The following MUC5AC variants were observed in gnomAD, a reference collection of about 807,000 sequenced individuals.
The protein encoded by MUC5AC is mucin 5AC, oligomeric mucus/gel-forming, also known as mucin-5AC.
Under a neutral mutation model 169.7 loss-of-function variants are expected in MUC5AC, and 158 were observed. The ratio of observed to expected loss-of-function variants is 0.93; its 90% CI spans 0.82 to 1.06. MUC5AC has a LOEUF of 1.06. Ranked by LOEUF, MUC5AC falls within the 50% of genes least tolerant of loss-of-function variation. The pLI, the probability that MUC5AC is intolerant of heterozygous loss-of-function variation, is 0.00. For missense variants in MUC5AC, 4,359 were observed against 3,089.9 expected (o/e 1.41, Z -9.74); for synonymous variants, 1,975 against 1,237.0 (o/e 1.60, Z -12.52).
In MUC5AC at chr11:1,196,392, C is replaced by T. The variant is rs750180826; in HGVS notation, c.15642C>T (p.Phe5214=). 4 of 764,918 alleles carry T rather than the reference C, an allele frequency of 5.2e-6. No homozygotes were observed. The South Asian group carries it at 5.4e-5, about 10-fold the overall frequency. The allele number at this position is 764,918 out of a possible 1,614,324, so 47.4% of individuals were successfully genotyped here. A position where few individuals can be genotyped will look rare whatever the true frequency, so the allele number is the denominator to read the frequency against. Residue 5214 remains phenylalanine, a synonymous_variant, in exon 38 of 49, where the codon TTC becomes TTT. Coordinates refer to ENST00000621226, the MANE Select transcript of MUC5AC (RefSeq NM_001304359.2). ...TGTGGCTTCCCCTCCCCACAGCATT[C>T]ACCTGCCCAGCCGACAAGGTGTACC... ...WRGRTGHMCP[F]TCPADKVYQP... is the part of the protein sequence containing the mutation.
chr11:1,173,764 CCACT>C (rs1325224567), intron 16 of MUC5AC, among the ~76,000 whole-genome samples: 102 of 101,760 alleles, frequency 1.0e-3, no homozygotes, highest in African/African-American at 3.3e-3. Flanking sequence ...ACTCACTCAT[CCACT>C]CACTCACTCA....
At position 1,187,166 on chromosome 11, in the gene MUC5AC, C is replaced by G. The variant is rs1243075991; in HGVS notation, c.9021C>G (p.Ala3007=). 5.7e-6 allele frequency: 4 copies of G among 703,126 alleles called. No individual in the cohort carries two copies. Among genetic ancestry groups the G allele is most frequent in the Non-Finnish European group, 1.0e-5 (4 of 387,850 alleles). The allele number at this position is 703,126 out of a possible 1,614,324, so 43.6% of individuals were successfully genotyped here. ...TSAPTTSTIS[A]PTTSTPSAPT... is the part of the protein sequence containing the mutation. ...CCCCTACAACCAGCACAATCTCGGC[C>G]CCAACAACCAGCACACCCTCTGCCC... The change falls in exon 31 of 49, where the codon GCC becomes GCG. Residue 3007 remains alanine, a synonymous_variant. Transcript: ENST00000621226.
rs776542766 is a variant in MUC5AC at position 1,192,158 on chromosome 11, C to T, written c.14013C>T (p.Ile4671=). ...GEKICRRPEE[I]TRLQCRAESH... ...AAATCTGCCGCCGACCTGAGGAGATCACCAGGCTCCAGTGCCGAGCCGAGA... is the reference window on the plus strand; with the variant it reads ...AAATCTGCCGCCGACCTGAGGAGATTACCAGGCTCCAGTGCCGAGCCGAGA... Residue 4671 remains isoleucine (I), a synonymous_variant, in exon 31 of 49, where the codon ATC becomes ATT. Transcript: ENST00000621226. The T allele has an allele frequency of 2.6e-6, 2 of 765,114 alleles. No individual in the cohort carries two copies. The highest frequency in any genetic ancestry group is 3.4e-5 in the Admixed American group (2 of 59,038). The allele number at this position is 765,114 out of a possible 1,614,324, so 47.4% of individuals were successfully genotyped here. A position where few individuals can be genotyped will look rare whatever the true frequency, so the allele number is the denominator to read the frequency against.
chr11:1,187,538 C>T lies in MUC5AC; in HGVS notation c.9393C>T (p.Ser3131=). The T allele has an allele frequency of 1.3e-6, 1 of 750,692 alleles. No individual in the cohort carries two copies. Among genetic ancestry groups the T allele is most frequent in the East Asian group, 2.5e-5 (1 of 40,524 alleles). 46.5% of individuals were successfully genotyped at this position (750,692 alleles called of 1,614,324 possible). The change falls in exon 31 of 49, where the codon AGC becomes AGT. Residue 3131 remains serine (S), a synonymous_variant. Coordinates refer to ENST00000621226, the MANE Select transcript of MUC5AC (RefSeq NM_001304359.2). ...CTCCCAGCCCTATTCCTACCACCAG[C>T]ACAACCTCTCCTCCTACAACCAGCA... is the stretch of plus-strand genomic sequence containing the variant. ...GTTPSPIPTT[S]TTSPPTTSTT...
rs1237656055 is a variant in MUC5AC, at chr11:1,174,878, G to A, written c.2093-4G>A. On this transcript the variant is annotated splice_region_variant and splice_polypyrimidine_tract_variant and intron_variant, in intron 17 of 48. Coordinates refer to ENST00000621226, the MANE Select transcript of MUC5AC (RefSeq NM_001304359.2). Reference sequence around the variant, plus strand: ...GAGAATCCCCTCTTCCTGGCATCCCGCAGCGAAGCCTATGACCACTTGCCC... The same window carrying A: ...GAGAATCCCCTCTTCCTGGCATCCCACAGCGAAGCCTATGACCACTTGCCC... The A allele has an allele frequency of 1.6e-4, 66 of 419,944 alleles. No individual in the cohort carries two copies. The highest frequency in any genetic ancestry group is 2.2e-4 in the Non-Finnish European group (53 of 237,648). The allele number at this position is 419,944 out of a possible 1,614,324, so 26.0% of individuals were successfully genotyped here. A position where few individuals can be genotyped will look rare whatever the true frequency, so the allele number is the denominator to read the frequency against.
chr11:1,164,357 C>G (rs1860239893), intron 8 of MUC5AC, 38 bp downstream of exon 8: 3 of 1,611,518 alleles, frequency 1.9e-6, no homozygotes, highest in Admixed American at 1.7e-5. Context: ...ACCCCTTTGG[C>G]AGGGAGGGCA....
intron 41 of MUC5AC, 67 bp downstream of exon 41, chr11:1,197,706 A>G (rs1475783331): frequency 3.1e-6 from 2 of 642,284 alleles, no homozygotes; most frequent in African/African-American, 1.8e-5. Flanking sequence ...CTCGGCCCGG[A>G]CTTTGCTGCT....
At chr11:1,162,392 C>A in intron 4 of MUC5AC, 140 bp from the exon 5 acceptor site, 2 of 1,025,138 alleles carry the variant, frequency 2.0e-6, no homozygotes, top group Non-Finnish European at 2.9e-6. Context: ...GACCCCCGAG[C>A]TCCAGAGGTC....
In MUC5AC at chr11:1,196,483, C is replaced by T. The variant is rs936168526; in HGVS notation, c.15725+8C>T. ...TGACAGCGCCAGCCTCGGGTAGGCA[C>T]CCTCCCTCCTGGCCCTGCCATGGGC... On this transcript the variant is annotated splice_region_variant and intron_variant, in intron 38 of 48. Transcript: ENST00000621226. 5.2e-6 allele frequency: 4 copies of T among 765,006 alleles called. No homozygotes were observed. In the East Asian group the frequency reaches 9.7e-5, roughly 19 times the overall value. 47.4% of individuals were successfully genotyped at this position (765,006 alleles called of 1,614,324 possible).
rs1020192682 is a variant in MUC5AC at position 1,199,715 on chromosome 11, G to C, written c.16536G>C (p.Lys5512Asn). The C allele has an allele frequency of 2.8e-6, 2 of 711,794 alleles. No homozygotes were observed. Among genetic ancestry groups the C allele is most frequent in the African/African-American group, 1.7e-5 (1 of 57,602 alleles). The allele number at this position is 711,794 out of a possible 1,614,324, so 44.1% of individuals were successfully genotyped here. ...CACAGGACGAGGCCCGCATGAGCAAGGACGGCTGCTGCCGCTTCTGCCCGC... is the reference window on the plus strand; with the variant it reads ...CACAGGACGAGGCCCGCATGAGCAACGACGGCTGCTGCCGCTTCTGCCCGC... Reference protein sequence around the residue: ...SCSLDEARMSKDGCCRFCPPP... With the variant: ...SCSLDEARMSNDGCCRFCPPP... Residue 5512 changes from lysine to asparagine, a missense_variant, in exon 47 of 49, where the codon AAG (lysine) becomes AAC (asparagine). Physicochemically the swap from Lys to Asn is moderately conservative, Grantham distance 94. Coordinates refer to ENST00000621226, the MANE Select transcript of MUC5AC (RefSeq NM_001304359.2).
At chr11:1,166,597 C>A (rs1323240983) in intron 11 of MUC5AC, among the ~76,000 whole-genome samples, 7 of 14,676 alleles carry the variant, frequency 4.8e-4, no homozygotes, top group Admixed American at 1.7e-3. Context: ...AGTCTCTGCA[C>A]GATGAGACCC....
At position 1,187,184 on chromosome 11, in the gene MUC5AC, C is replaced by T. The variant is rs1217430069; in HGVS notation, c.9039C>T (p.Pro3013=). 2.8e-6 allele frequency: 2 copies of T among 704,068 alleles called. No homozygotes were observed. Among genetic ancestry groups the T allele is most frequent in the African/African-American group, 1.8e-5 (1 of 55,954 alleles). 43.6% of individuals were successfully genotyped at this position (704,068 alleles called of 1,614,324 possible). ...STISAPTTST[P]SAPTTSTTLA... is the part of the protein sequence containing the mutation. ...TCTCGGCCCCAACAACCAGCACACC[C>T]TCTGCCCCTACAACCAGCACAACCT... is the stretch of plus-strand genomic sequence containing the variant. Residue 3013 remains proline, a synonymous_variant, in exon 31 of 49, where the codon CCC becomes CCT. Coordinates refer to ENST00000621226, the MANE Select transcript of MUC5AC (RefSeq NM_001304359.2).
rs1860914093 is a variant in MUC5AC at position 1,185,410 on chromosome 11, C to G, written c.7265C>G (p.Ser2422Cys). Reference protein sequence around the residue: ...TTSAPTTSTTSAPTSSTTSSP... With the variant: ...TTSAPTTSTTCAPTSSTTSSP... ...TCAGCTCCTACAACCAGCACAACCT[C>G]TGCCCCTACAAGCAGCACAACCTCC... The change falls in exon 31 of 49, where the codon TCT (serine) becomes TGT (cysteine). Residue 2422 changes from serine to cysteine, a missense_variant. Physicochemically the swap from Ser to Cys is moderately radical, Grantham distance 112 (BLOSUM62 -1). Coordinates refer to ENST00000621226, the MANE Select transcript of MUC5AC (RefSeq NM_001304359.2). 4.1e-6 allele frequency: 3 copies of G among 730,916 alleles called. No individual in the cohort carries two copies. In the African/African-American group the frequency reaches 5.2e-5, roughly 13 times the overall value. 45.3% of individuals were successfully genotyped at this position (730,916 alleles called of 1,614,324 possible).
Position 1,195,068 on chromosome 11 carries a change from G to T in MUC5AC, c.15247G>T (p.Ala5083Ser). The T allele has an allele frequency of 2.6e-6, 2 of 755,948 alleles. No homozygotes were observed. Among genetic ancestry groups the T allele is most frequent in the Non-Finnish European group, 4.8e-6 (2 of 413,916 alleles). The allele number at this position is 755,948 out of a possible 1,614,324, so 46.8% of individuals were successfully genotyped here. The change falls in exon 36 of 49, where the codon GCT becomes TCT. Residue 5083 changes from alanine to serine, a missense_variant. Transcript: ENST00000621226. ...ECRTPRGTVV[A>S]SCSEMSGLWN... The stretch of plus-strand genomic sequence containing the variant: ...CCGCACGCCTAGGGGGACGGTGGTC[G>T]CTTCCTGCTCCGAGATGTCCGGCCT...
At chr11:1,158,130 C>T (rs1860014921) in intron 1 of MUC5AC, 58 bp downstream of exon 1, 1 of 1,435,742 alleles carries the variant, frequency 7.0e-7, no homozygotes, top group African/African-American at 1.4e-5. Context: ...CTGAGTGGGC[C>T]TCAGGCAGCT....
In MUC5AC at chr11:1,199,078, C is replaced by T. The variant is rs774154587; in HGVS notation, c.16297-9C>T. Reference sequence around the variant, plus strand: ...CTGGATTCCAGCCACATGTCCATCCCTCCCGCAGGGCTTCGAGTACCAGGA... The same window carrying T: ...CTGGATTCCAGCCACATGTCCATCCTTCCCGCAGGGCTTCGAGTACCAGGA... On this transcript the variant is annotated splice_polypyrimidine_tract_variant and intron_variant, in intron 44 of 48. Transcript: ENST00000621226. 1 of 764,174 alleles carries T rather than the reference C, an allele frequency of 1.3e-6. No individual in the cohort carries two copies. Among genetic ancestry groups the T allele is most frequent in the East Asian group, 2.4e-5 (1 of 41,222 alleles). The allele number at this position is 764,174 out of a possible 1,614,324, so 47.3% of individuals were successfully genotyped here.
In MUC5AC at chr11:1,164,205, T is replaced by C; in HGVS notation, c.889T>C (p.Phe297Leu). Residue 297 changes from phenylalanine (F) to leucine (L), a missense_variant, in exon 8 of 49, where the codon TTC (phenylalanine) becomes CTC (leucine). By Grantham distance (22) the Phe-to-Leu change is conservative (BLOSUM62 0). Transcript: ENST00000621226. ...YLEACRQDLC[F>L]CEDTDLLSCV... ...GGAGGCTTGCAGGCAAGACCTCTGC[T>C]TCTGTGAAGACACCGACCTGCTCAG... The C allele has an allele frequency of 6.2e-7, 1 of 1,612,626 alleles. No homozygotes were observed. The highest frequency in any genetic ancestry group is 1.1e-5 in the South Asian group (1 of 91,086).
At chr11:1,162,481 G>T (rs925616189) in intron 4 of MUC5AC, 51 bp from the exon 5 acceptor site, 59 of 1,515,246 alleles carry the variant, frequency 3.9e-5, no homozygotes, top group Non-Finnish European at 4.9e-5. Flanking sequence ...GCCCTGCCTG[G>T]GGTCTCTCCT....
chr11:1,189,563 C>T lies in MUC5AC; in HGVS notation c.11418C>T (p.Ser3806=), dbSNP rs1172686657. 2.6e-5 allele frequency: 16 copies of T among 610,858 alleles called. No homozygotes were observed. Among genetic ancestry groups the T allele is most frequent in the Non-Finnish European group, 4.1e-5 (14 of 343,076 alleles). The allele number at this position is 610,858 out of a possible 1,614,324, so 37.8% of individuals were successfully genotyped here. A position where few individuals can be genotyped will look rare whatever the true frequency, so the allele number is the denominator to read the frequency against. The part of the protein sequence containing the change: ...TTSTTSTPQT[S]TISSPTTSTT... ...GCACAACCTCCACTCCACAGACCAG[C>T]ACAATCTCTTCCCCTACAACCAGCA... Residue 3806 remains serine, a synonymous_variant, in exon 31 of 49, where the codon AGC becomes AGT. Coordinates refer to ENST00000621226, the MANE Select transcript of MUC5AC (RefSeq NM_001304359.2).
Sources: allele counts gnomAD v4.1 joint callset (sites outside exome capture counted in the v4.1 genomes callset), GRCh38; gene constraint gnomAD v4.1.1; transcripts MANE v1.5; gene names NCBI Gene and HGNC (gene_info 2026-07-23, HGNC 2026-07-21).